DLG2: variants seen among roughly 807,000 people sequenced by gnomAD.
DLG2 encodes the protein disks large homolog 2.
In DLG2, 45 loss-of-function variants were observed where a neutral mutation model predicts 132.5. The ratio of observed to expected loss-of-function variants is 0.34; its 90% CI spans 0.27 to 0.44. The LOEUF (loss-of-function observed/expected upper bound fraction) is 0.44, where lower values mean the gene tolerates loss of function less well. Among genes scored for constraint, DLG2 ranks in the 20% least tolerant of loss-of-function variants. The probability of loss-of-function intolerance (pLI) is 1.00; values close to 1 mark genes in which losing one functional copy is unlikely to be tolerated. For synonymous variants in DLG2, 424 were observed against 419.6 expected (o/e 1.01, Z -0.13); for missense variants, 1,045 against 1,196.9 (o/e 0.87, Z 1.87).
intron 6 of DLG2, among the ~76,000 whole-genome samples, chr11:84,934,520 G>GGT (rs2048490137): frequency 1.8e-4 from 7 of 39,136 alleles, no homozygotes; most frequent in African/African-American, 6.5e-4. Flanking sequence ...TTTTTGTTTT[G>GGT]TTTTGTTTTT....
chr11:84,635,787 C>T (rs1405651413), intron 6 of DLG2, among the ~76,000 whole-genome samples: 2 of 152,110 alleles, frequency 1.3e-5, no homozygotes, highest in African/African-American at 2.4e-5. Context: ...CCTCCTCCCA[C>T]CAAGATCACA....
chr11:83,842,816 CAAAAAAAAA>C (rs1259239219), intron 16 of DLG2, among the ~76,000 whole-genome samples: 1 of 68,422 alleles, frequency 1.5e-5, no homozygotes, highest in African/African-American at 4.6e-5. Flanking sequence ...ACTCTGTCTC[CAAAAAAAAA>C]AAAAAAAAGA....
intron 3 of DLG2, among the ~76,000 whole-genome samples, chr11:85,321,080 T>C (rs955014051): frequency 6.6e-6 from 1 of 151,906 alleles, no homozygotes; most frequent in Non-Finnish European, 1.5e-5. Flanking sequence ...TATTGAGCAC[T>C]CTAGGTAAGA....
rs2094849009 is a variant in DLG2, at chr11:83,782,005, T to C, written c.1825+4685A>G. On this transcript the variant is annotated intron_variant, in intron 18 of 27. Transcript: ENST00000376104. ...TTTCAGAACTTGAAAAAAATGTTAGTGCTTTAATCATCTTATCTTTGTGCT... is the reference window on the plus strand; with the variant it reads ...TTTCAGAACTTGAAAAAAATGTTAGCGCTTTAATCATCTTATCTTTGTGCT... Among the ~76,000 whole-genome samples, 5 of 152,208 alleles carry C rather than the reference T, an allele frequency of 3.3e-5. No individual in the cohort carries two copies. In the South Asian group the frequency reaches 1.0e-3, roughly 32 times the overall value.
intron 9 of DLG2, among the ~76,000 whole-genome samples, chr11:84,130,538 GTATA>G (rs1322534421): frequency 8.3e-6 from 1 of 120,932 alleles, no homozygotes; most frequent in Non-Finnish European, 1.8e-5. Flanking sequence ...ATGTGTGTGT[GTATA>G]TATATATAAA....
intron 3 of DLG2, among the ~76,000 whole-genome samples, chr11:85,360,001 T>C (rs2084020871): frequency 6.6e-6 from 1 of 152,144 alleles, no homozygotes; most frequent in Non-Finnish European, 1.5e-5. Context: ...ATTCTCTCTA[T>C]ACTCAGCTCA....
intron 17 of DLG2, among the ~76,000 whole-genome samples, chr11:83,818,456 A>G (rs1373906093): frequency 6.6e-6 from 1 of 152,104 alleles, no homozygotes; most frequent in Non-Finnish European, 1.5e-5. Flanking sequence ...TACTTTTCTT[A>G]TAGTATAATT....
At chr11:84,736,972 G>C (rs944171000) in intron 6 of DLG2, among the ~76,000 whole-genome samples, 1 of 151,942 alleles carries the variant, frequency 6.6e-6, no homozygotes, top group African/African-American at 2.4e-5. Flanking sequence ...ACTAAATAAT[G>C]ATTAAATATG....
At chr11:84,156,428 C>T (rs2095430861) in intron 9 of DLG2, among the ~76,000 whole-genome samples, 1 of 152,128 alleles carries the variant, frequency 6.6e-6, no homozygotes, top group African/African-American at 2.4e-5. Flanking sequence ...GACCAGCACG[C>T]ATGATTACAG....
chr11:84,225,574 T>TTGCTA (rs1332914918), intron 8 of DLG2, among the ~76,000 whole-genome samples: 1 of 152,188 alleles, frequency 6.6e-6, no homozygotes, highest in Non-Finnish European at 1.5e-5. Flanking sequence ...GTGGACTCTC[T>TTGCTA]TGCTATCAGT....
At chr11:84,674,333 C>T (rs1402797154) in intron 6 of DLG2, among the ~76,000 whole-genome samples, 2 of 152,048 alleles carry the variant, frequency 1.3e-5, no homozygotes, top group Non-Finnish European at 2.9e-5. Flanking sequence ...AGACTTTTTA[C>T]TTCCTTGAGT....
intron 3 of DLG2, among the ~76,000 whole-genome samples, chr11:85,399,368 T>A (rs532696114): frequency 6.6e-6 from 1 of 152,124 alleles, no homozygotes. Flanking sequence ...AGGTAATTTA[T>A]AGATTCAATG....
rs542985091 is a variant in DLG2, at chr11:84,306,975, A to G, written c.520-55684T>C. Reference sequence around the variant, plus strand: ...TAAAAAAGAACTACCATTCAACCCAACAAACCCATTACTGAGTATATACCC... The same window carrying G: ...TAAAAAAGAACTACCATTCAACCCAGCAAACCCATTACTGAGTATATACCC... On this transcript the variant is annotated intron_variant, in intron 7 of 27. Coordinates refer to ENST00000376104, the MANE Select transcript of DLG2 (RefSeq NM_001142699.3). Among the ~76,000 whole-genome samples the G allele has an allele frequency of 7.9e-5, 12 of 152,302 alleles. 1 individual carries two copies. The South Asian group carries it at 2.5e-3, about 32-fold the overall frequency.
At chr11:84,566,790 T>C (rs1004943617) in intron 6 of DLG2, among the ~76,000 whole-genome samples, 1 of 152,192 alleles carries the variant, frequency 6.6e-6, no homozygotes, top group African/African-American at 2.4e-5. Context: ...TTGTTCCACT[T>C]TGAAGTGGAT....
At chr11:84,548,759 A>G (rs984015038) in intron 6 of DLG2, among the ~76,000 whole-genome samples, 6 of 152,152 alleles carry the variant, frequency 3.9e-5, no homozygotes, top group Admixed American at 3.9e-4. Context: ...CACACTAAGT[A>G]TTCTTACACG....
intron 3 of DLG2, among the ~76,000 whole-genome samples, chr11:85,505,924 A>G (rs2093920648): frequency 6.6e-6 from 1 of 152,174 alleles, no homozygotes; most frequent in South Asian, 2.1e-4. Context: ...TCAGGGATTT[A>G]ACTTCTTCCT....
chr11:83,524,590 C>A (rs2095559555), intron 21 of DLG2, among the ~76,000 whole-genome samples: 1 of 152,160 alleles, frequency 6.6e-6, no homozygotes, highest in Non-Finnish European at 1.5e-5. Flanking sequence ...GCAAAATGAT[C>A]TGCTAAATTC....
chr11:84,954,091 T>C (rs917748177), intron 6 of DLG2, among the ~76,000 whole-genome samples: 1 of 152,288 alleles, frequency 6.6e-6, no homozygotes, highest in South Asian at 2.1e-4. Context: ...TTGGGATTTA[T>C]GTCAGTCTTG....
At chr11:85,397,652 T>TA (rs1425383917) in intron 3 of DLG2, among the ~76,000 whole-genome samples, 1 of 152,086 alleles carries the variant, frequency 6.6e-6, no homozygotes, top group Non-Finnish European at 1.5e-5. Flanking sequence ...AAACAGACTT[T>TA]AAACCAACAA....
Sources: gnomAD v4.1 joint callset for allele counts (sites outside exome capture counted in the v4.1 genomes callset) on GRCh38, gnomAD v4.1.1 for gene constraint, MANE v1.5 for transcripts, NCBI Gene and HGNC (gene_info 2026-07-23, HGNC 2026-07-21) for gene names.